ARMC2: variants seen among roughly 807,000 people sequenced by gnomAD.
ARMC2 encodes armadillo repeat-containing protein 2.
In ARMC2, 67 loss-of-function variants were observed where a neutral mutation model predicts 90.3. That is an observed-to-expected ratio of 0.74 (90% confidence interval 0.61 to 0.91). The LOEUF (loss-of-function observed/expected upper bound fraction) is 0.91. Ranked by LOEUF, ARMC2 falls within the 40% of genes least tolerant of loss-of-function variation. The pLI is 0.00. For synonymous variants in ARMC2, 393 were observed against 393.0 expected (o/e 1.00, Z 0.00); for missense variants, 920 against 1,030.9 (o/e 0.89, Z 1.47).
chr6:108,932,516 C>CTTTTT (rs60000198), intron 11 of ARMC2, among the ~76,000 whole-genome samples: 1,003 of 77,916 alleles, frequency 0.013, 101 homozygotes, highest in East Asian at 0.039. Context: ...TTCTCCATTG[C>CTTTTT]TTTTTTTTTT....
chr6:108,912,652 C>T (rs1414938186), intron 10 of ARMC2, 94 bp downstream of exon 10: 3 of 1,183,180 alleles, frequency 2.5e-6, no homozygotes, highest in South Asian at 1.5e-5. Context: ...GAGGCCCCTA[C>T]AGCCAGGTGT....
chr6:108,946,063 G>T (rs1776782377), intron 12 of ARMC2, among the ~76,000 whole-genome samples: 1 of 152,210 alleles, frequency 6.6e-6, no homozygotes, highest in South Asian at 2.1e-4. Context: ...CTTGGTCTGC[G>T]CCCCTGACCG....
chr6:108,993,612 A>G, the ARMC2 span, among the ~76,000 whole-genome samples: 2 of 152,312 alleles, frequency 1.3e-5, no homozygotes, highest in Middle Eastern at 3.4e-3. Flanking sequence ...GACACTTTAT[A>G]AACTTTTTCT....
At chr6:108,898,744 C>T (rs1771853658) in intron 6 of ARMC2, among the ~76,000 whole-genome samples, 1 of 152,212 alleles carries the variant, frequency 6.6e-6, no homozygotes, top group Non-Finnish European at 1.5e-5. Flanking sequence ...TACACCTGGG[C>T]TCCACTTTCT....
chr6:108,927,993 A>G, intron 10 of ARMC2, 95 bp from the exon 11 acceptor site: 1 of 1,256,932 alleles, frequency 8.0e-7, no homozygotes, highest in Admixed American at 2.7e-5. Context: ...AGCTACTGAT[A>G]TAAGGAAATT....
At chr6:108,928,814 C>A (rs201085911) in intron 11 of ARMC2, among the ~76,000 whole-genome samples, 1 of 152,074 alleles carries the variant, frequency 6.6e-6, no homozygotes, top group African/African-American at 2.4e-5. Context: ...TTTCCTCCCG[C>A]GCTGCTCTTT....
chr6:109,041,807 A>G, the ARMC2 span, among the ~76,000 whole-genome samples: 1 of 152,220 alleles, frequency 6.6e-6, no homozygotes, highest in African/African-American at 2.4e-5. Context: ...ACAGAAAATC[A>G]GCAAAAATGT....
At chr6:108,928,869 T>C (rs760389326) in intron 11 of ARMC2, among the ~76,000 whole-genome samples, 11 of 152,246 alleles carry the variant, frequency 7.2e-5, no homozygotes, top group Non-Finnish European at 1.5e-4. Flanking sequence ...CCTGAGGCTT[T>C]TCTTGAACTA....
At chr6:108,923,225 G>C (rs1479209145) in intron 10 of ARMC2, among the ~76,000 whole-genome samples, 1 of 152,112 alleles carries the variant, frequency 6.6e-6, no homozygotes, top group Non-Finnish European at 1.5e-5. Context: ...ATTTGAGGTG[G>C]TTTGAAAGAT....
chr6:108,858,137 T>C (rs1431510061), intron 2 of ARMC2, 62 bp from the exon 3 acceptor site: 3 of 1,352,216 alleles, frequency 2.2e-6, no homozygotes, highest in Non-Finnish European at 3.1e-6. Context: ...TTAACTAATA[T>C]ATACTATAAA....
chr6:108,854,473 C>T lies in ARMC2; in HGVS notation c.206C>T (p.Pro69Leu). ...ASSRTSENRP[P>L]SSFSLHASSF... ...TCAAGAACATCAGAAAATAGACCTCCTTCCTCCTTCAGGTATATGGCATTT... is the reference window on the plus strand; with the variant it reads ...TCAAGAACATCAGAAAATAGACCTCTTTCCTCCTTCAGGTATATGGCATTT... Residue 69 changes from proline to leucine, a missense_variant, in exon 2 of 18, where the codon CCT (proline) becomes CTT (leucine). Pro to Leu is a moderately conservative substitution (Grantham distance 98). Transcript: ENST00000392644. 6.2e-7 allele frequency: 1 copy of T among 1,613,450 alleles called. No individual in the cohort carries two copies. The highest frequency in any genetic ancestry group is 8.5e-7 in the Non-Finnish European group (1 of 1,179,578).
the ARMC2 span, among the ~76,000 whole-genome samples, chr6:108,994,790 C>T: frequency 1.3e-5 from 2 of 150,716 alleles, no homozygotes; most frequent in Non-Finnish European, 2.9e-5. Context: ...GCAAGGTCCA[C>T]CTCCCAGGTT....
chr6:108,949,796 G>A (rs914047498), intron 12 of ARMC2, among the ~76,000 whole-genome samples: 20 of 152,160 alleles, frequency 1.3e-4, no homozygotes. Context: ...TAGACTTAAG[G>A]CCCATAAATA....
intron 9 of ARMC2, among the ~76,000 whole-genome samples, chr6:108,911,488 T>C (rs549954488): frequency 6.6e-6 from 1 of 152,296 alleles, no homozygotes; most frequent in East Asian, 1.9e-4. Context: ...GTAATTAAGA[T>C]ATCTAGTTAC....
At chr6:108,959,974 C>A (rs1777872281) in intron 13 of ARMC2, among the ~76,000 whole-genome samples, 1 of 152,156 alleles carries the variant, frequency 6.6e-6, no homozygotes, top group Admixed American at 6.5e-5. Context: ...GCACCTGACA[C>A]CACACCCGGC....
the ARMC2 span, among the ~76,000 whole-genome samples, chr6:109,014,140 T>C: frequency 6.6e-6 from 1 of 152,180 alleles, no homozygotes; most frequent in Admixed American, 6.5e-5. Flanking sequence ...ACTTTCTACA[T>C]AGCTGTTTAG....
chr6:108,953,740 T>C (rs1777367720), intron 13 of ARMC2, among the ~76,000 whole-genome samples: 1 of 152,208 alleles, frequency 6.6e-6, no homozygotes, highest in South Asian at 2.1e-4. Context: ...ATCCCAAATA[T>C]TGTGGGCAAT....
chr6:108,890,178 A>T, intron 5 of ARMC2, among the ~76,000 whole-genome samples: 1 of 113,758 alleles, frequency 8.8e-6, no homozygotes, highest in African/African-American at 3.6e-5. Context: ...TGACAGAGCG[A>T]GACTCCGTCT....
intron 11 of ARMC2, 48 bp from the exon 12 acceptor site, chr6:108,936,852 A>G (rs55650333): frequency 0.01 from 15,005 of 1,461,832 alleles, 94 homozygotes; most frequent in Non-Finnish European, 0.012. Context: ...CTTGAATTTT[A>G]TAGAAAAACA....
Sources: gnomAD v4.1 joint callset for allele counts (sites outside exome capture counted in the v4.1 genomes callset) on GRCh38, gnomAD v4.1.1 for gene constraint, MANE v1.5 for transcripts, NCBI Gene and HGNC (gene_info 2026-07-23, HGNC 2026-07-21) for gene names.